NCKAP1L: variants seen among roughly 807,000 people sequenced by gnomAD.
NCKAP1L encodes nck-associated protein 1-like.
A neutral mutation model predicts 139.2 loss-of-function variants in NCKAP1L; 53 were observed. The ratio of observed to expected loss-of-function variants is 0.38; its 90% CI spans 0.31 to 0.48. The LOEUF (loss-of-function observed/expected upper bound fraction) is 0.48, where lower values mean the gene tolerates loss of function less well. NCKAP1L is among the 20% of genes least tolerant of loss of function. The pLI is 0.98. For missense variants in NCKAP1L, 1,151 were observed against 1,381.9 expected (o/e 0.83, Z 2.65); for synonymous variants, 468 against 499.7 (o/e 0.94, Z 0.85).
At chr12:54,518,068 C>A in intron 13 of NCKAP1L, 130 bp downstream of exon 13, 2 of 1,042,130 alleles carry the variant, frequency 1.9e-6, no homozygotes, top group Non-Finnish European at 1.4e-6. Flanking sequence ...AGGCTGGGCG[C>A]GGTGGCTCAC....
intron 7 of NCKAP1L, among the ~76,000 whole-genome samples, chr12:54,511,448 C>T (rs1490741823): frequency 6.6e-6 from 1 of 152,212 alleles, no homozygotes; most frequent in African/African-American, 2.4e-5. Flanking sequence ...GCTCTGTTGC[C>T]TAGGCTGGAG....
At chr12:54,506,807 A>ATATATATATATATAT (rs1330034011) in intron 3 of NCKAP1L, among the ~76,000 whole-genome samples, 15 of 134,812 alleles carry the variant, frequency 1.1e-4, no homozygotes, top group Non-Finnish European at 2.2e-4. Flanking sequence ...ATATATATAT[A>ATATATATATATATAT]TATATATATA....
At position 54,517,598 on chromosome 12, in the gene NCKAP1L, A is replaced by C; in HGVS notation, c.1161A>C (p.Thr387=). 6.2e-7 allele frequency: 1 copy of C among 1,614,082 alleles called. No individual in the cohort carries two copies. The highest frequency in any genetic ancestry group is 8.5e-7 in the Non-Finnish European group (1 of 1,179,984). Residue 387 remains threonine, a synonymous_variant, in exon 12 of 31, where the codon ACA becomes ACC. Coordinates refer to ENST00000293373, the MANE Select transcript of NCKAP1L (RefSeq NM_005337.5). ...RDEVTWLVRH[T]ENVTKTKTPE... The stretch of plus-strand genomic sequence containing the variant: ...AGGTCACCTGGCTGGTTCGCCACAC[A>C]GAGAATGTCACCAAGACAAAGACAC...
intron 30 of NCKAP1L, among the ~76,000 whole-genome samples, chr12:54,539,636 C>T (rs1957142040): frequency 1.3e-5 from 2 of 152,196 alleles, no homozygotes; most frequent in South Asian, 4.1e-4. Flanking sequence ...TGCTCTGATT[C>T]TCCATGTTAG....
rs774569966 is a variant in NCKAP1L at position 54,518,612 on chromosome 12, C to A, written c.1339-39C>A. On this transcript the variant is annotated intron_variant, in intron 13 of 30. Coordinates refer to ENST00000293373, the MANE Select transcript of NCKAP1L (RefSeq NM_005337.5). ...TGGTCCTAGTTTCTGTCCTAGGGAA[C>A]CTGTGCCCACTTGACAGTAACTGCA... 34 of 1,512,708 alleles carry A rather than the reference C, an allele frequency of 2.2e-5. 2 individuals are homozygous for A. The South Asian group carries it at 3.3e-4, about 14-fold the overall frequency. 93.7% of individuals were successfully genotyped at this position (1,512,708 alleles called of 1,614,324 possible).
chr12:54,536,403 TA>T, intron 28 of NCKAP1L, 158 bp downstream of exon 28: 1 of 567,948 alleles, frequency 1.8e-6, no homozygotes, highest in South Asian at 1.9e-5. Flanking sequence ...CTCATGCCTG[TA>T]ATCCTAGCAC....
chr12:54,499,337 T>C lies in NCKAP1L; in HGVS notation c.103-18T>C, dbSNP rs1172175308. 3.0e-6 allele frequency: 4 copies of C among 1,329,284 alleles called. No individual in the cohort carries two copies. Among genetic ancestry groups the C allele is most frequent in the Admixed American group, 1.7e-5 (1 of 59,308 alleles). The allele number at this position is 1,329,284 out of a possible 1,614,324, so 82.3% of individuals were successfully genotyped here. A position where few individuals can be genotyped will look rare whatever the true frequency, so the allele number is the denominator to read the frequency against. ...GAGGAGGAGAAAGGGTTGAAATATA[T>C]ATGGTTTCTCTCTGCAGACTTGTTC... On this transcript the variant is annotated intron_variant, in intron 1 of 30. Transcript: ENST00000293373.
At chr12:54,502,122 T>C (rs1440199322) in intron 3 of NCKAP1L, among the ~76,000 whole-genome samples, 1 of 152,244 alleles carries the variant, frequency 6.6e-6, no homozygotes, top group African/African-American at 2.4e-5. Context: ...TCTATACAGG[T>C]TGAGTATTCC....
At chr12:54,515,201 G>A (rs557658552) in intron 9 of NCKAP1L, among the ~76,000 whole-genome samples, 4 of 152,284 alleles carry the variant, frequency 2.6e-5, no homozygotes, top group African/African-American at 9.6e-5. Context: ...ATAGATTGCT[G>A]TGAAGTTGAA....
At chr12:54,512,208 A>G in intron 9 of NCKAP1L, 103 bp downstream of exon 9, 1 of 1,238,962 alleles carries the variant, frequency 8.1e-7, no homozygotes, top group East Asian at 2.4e-5. Flanking sequence ...GGTGGTAACG[A>G]TTAATTCTAA....
At chr12:54,502,210 G>T (rs1312027951) in intron 3 of NCKAP1L, among the ~76,000 whole-genome samples, 1 of 152,138 alleles carries the variant, frequency 6.6e-6, no homozygotes, top group Non-Finnish European at 1.5e-5. Flanking sequence ...TTAGGCAGTT[G>T]AGCATCCCTA....
chr12:54,506,796 A>ATATATATAT (rs1555170865), intron 3 of NCKAP1L, among the ~76,000 whole-genome samples: 538 of 50,566 alleles, frequency 0.011, 1 homozygote, highest in African/African-American at 0.03. Context: ...AAAAAAAAAA[A>ATATATATAT]ATATATATAT....
Position 54,545,860 on chromosome 12 carries a change from C to A in NCKAP1L, c.*3175C>A, listed in dbSNP as rs1448426495. The A allele has an allele frequency of 6.6e-6, 1 of 152,244 alleles. No homozygotes were observed. Among genetic ancestry groups the A allele is most frequent in the Non-Finnish European group, 1.5e-5 (1 of 68,050 alleles). 9.4% of individuals were successfully genotyped at this position (152,244 alleles called of 1,614,324 possible). A position where few individuals can be genotyped will look rare whatever the true frequency, so the allele number is the denominator to read the frequency against. On this transcript the variant is annotated 3_prime_UTR_variant, in exon 31 of 31. Coordinates refer to ENST00000293373, the MANE Select transcript of NCKAP1L (RefSeq NM_005337.5). ...GGGGCAAGATACTTGCATAGGTGCC[C>A]CCTTTTGTTTGGACAGTAGAAACAC...
chr12:54,514,886 T>A (rs1357769729), intron 9 of NCKAP1L, among the ~76,000 whole-genome samples: 1 of 152,122 alleles, frequency 6.6e-6, no homozygotes, highest in East Asian at 1.9e-4. Flanking sequence ...ATGAAAAAAC[T>A]TTCTGATGAT....
intron 16 of NCKAP1L, among the ~76,000 whole-genome samples, chr12:54,520,085 A>C (rs1195721934): frequency 2.6e-5 from 4 of 152,210 alleles, no homozygotes; most frequent in African/African-American, 9.6e-5. Flanking sequence ...GAAGGATCAA[A>C]CAAGGAGTAT....
At chr12:54,525,733 C>T (rs867563899) in intron 20 of NCKAP1L, among the ~76,000 whole-genome samples, 2 of 152,126 alleles carry the variant, frequency 1.3e-5, no homozygotes, top group African/African-American at 4.8e-5. Context: ...CCCACCTTTC[C>T]CATCCCCTCC....
intron 20 of NCKAP1L, among the ~76,000 whole-genome samples, chr12:54,525,836 A>G (rs1957021686): frequency 2.0e-5 from 3 of 152,208 alleles, no homozygotes; most frequent in African/African-American, 4.8e-5. Context: ...AAAAGTCCTT[A>G]GTCAGAGGAC....
At chr12:54,517,015 G>T in intron 11 of NCKAP1L, 23 bp downstream of exon 11, 1 of 1,587,330 alleles carries the variant, frequency 6.3e-7, no homozygotes, top group South Asian at 1.1e-5. Flanking sequence ...AATGTTGGGA[G>T]GGGAATGATG....
At chr12:54,528,496 C>G in intron 22 of NCKAP1L, 119 bp downstream of exon 22, 1 of 1,270,206 alleles carries the variant, frequency 7.9e-7, no homozygotes, top group Non-Finnish European at 1.1e-6. Flanking sequence ...AATTACTTTT[C>G]ATTGCAAAAA....
Sources: gnomAD v4.1 joint callset for allele counts (sites outside exome capture counted in the v4.1 genomes callset) on GRCh38, gnomAD v4.1.1 for gene constraint, MANE v1.5 for transcripts, NCBI Gene and HGNC (gene_info 2026-07-23, HGNC 2026-07-21) for gene names.